The following ZNF675 variants were observed in gnomAD, a reference collection of about 807,000 sequenced individuals.
ZNF675 encodes the protein TRAF6 inhibitory zinc finger.
A neutral mutation model predicts 56.1 loss-of-function variants in ZNF675; 36 were observed. The observed-to-expected ratio is 0.64, with a 90% CI of 0.49 to 0.85. ZNF675 has a LOEUF of 0.85. Ranked by LOEUF, ZNF675 falls within the 40% of genes least tolerant of loss-of-function variation. The pLI is 0.00. For synonymous variants in ZNF675, 200 were observed against 218.9 expected (o/e 0.91, Z 0.76); for missense variants, 663 against 654.2 (o/e 1.01, Z -0.15).
chr19:23,684,903 CTG>C (rs1383234961), intron 1 of ZNF675, among the ~76,000 whole-genome samples: 1 of 152,142 alleles, frequency 6.6e-6, no homozygotes, highest in Non-Finnish European at 1.5e-5. Context: ...GAAATTATCT[CTG>C]TGTTTTTCCC....
chr19:23,665,671 GT>G (rs2144932896), intron 1 of ZNF675, among the ~76,000 whole-genome samples: 14 of 152,168 alleles, frequency 9.2e-5, no homozygotes, highest in Admixed American at 7.2e-4. Flanking sequence ...AATTTTTTGT[GT>G]ATTTTAAGTA....
chr19:23,659,397 T>C, intron 3 of ZNF675, among the ~76,000 whole-genome samples: 1 of 152,134 alleles, frequency 6.6e-6, no homozygotes, highest in Non-Finnish European at 1.5e-5. Context: ...TTGTCAGCCA[T>C]CCCTGACAAA....
chr19:23,671,643 A>T (rs1968228004), intron 1 of ZNF675, among the ~76,000 whole-genome samples: 1 of 151,834 alleles, frequency 6.6e-6, no homozygotes, highest in Non-Finnish European at 1.5e-5. Flanking sequence ...GGGGCCTGGG[A>T]TCTTCCTCAC....
chr19:23,660,646 G>A (rs1968063613), intron 3 of ZNF675, among the ~76,000 whole-genome samples: 1 of 152,046 alleles, frequency 6.6e-6, no homozygotes, highest in South Asian at 2.1e-4. Context: ...AACCAAGGAG[G>A]TACAAAATCT....
intron 3 of ZNF675, among the ~76,000 whole-genome samples, chr19:23,660,287 G>T (rs888917224): frequency 4.6e-5 from 7 of 152,130 alleles, no homozygotes; most frequent in African/African-American, 1.7e-4. Context: ...AAAAACTTGA[G>T]GTGTTTTCTC....
intron 3 of ZNF675, among the ~76,000 whole-genome samples, chr19:23,660,476 C>T (rs531781883): frequency 3.3e-4 from 50 of 152,150 alleles, no homozygotes; most frequent in African/African-American, 1.2e-3. Context: ...TATATATAAA[C>T]ATAAACAGTA....
chr19:23,658,874 G>T (rs1968031205), intron 3 of ZNF675, among the ~76,000 whole-genome samples: 1 of 117,786 alleles, frequency 8.5e-6, no homozygotes. Flanking sequence ...TAGATCTATA[G>T]ATATCTATAG....
chr19:23,659,330 G>A (rs987401290), intron 3 of ZNF675, among the ~76,000 whole-genome samples: 50 of 152,168 alleles, frequency 3.3e-4, no homozygotes, highest in African/African-American at 1.2e-3. Context: ...AGTGAAATTG[G>A]TAAGATGGGA....
Position 23,663,123 on chromosome 19 carries a change from G to A in ZNF675, c.39C>T (p.Phe13=). 6.2e-7 allele frequency: 1 copy of A among 1,610,316 alleles called. No individual in the cohort carries two copies. Among genetic ancestry groups the A allele is most frequent in the East Asian group, 2.2e-5 (1 of 44,666 alleles). Residue 13 remains phenylalanine (F), a synonymous_variant, in exon 2 of 4, where the codon TTC becomes TTT. Transcript: ENST00000359788. ...CCAGGCATTGCCATTCTTCCAGAGAGAATTCTATGGCCACATCCCTAAATG... is the reference window on the plus strand; with the variant it reads ...CCAGGCATTGCCATTCTTCCAGAGAAAATTCTATGGCCACATCCCTAAATG... ...LLTFRDVAIE[F]SLEEWQCLDT...
At chr19:23,680,293 A>T (rs370284098) in intron 1 of ZNF675, among the ~76,000 whole-genome samples, 3 of 151,524 alleles carry the variant, frequency 2.0e-5, no homozygotes, top group East Asian at 3.9e-4. Flanking sequence ...ACAAAGCCAG[A>T]CTCCGTCTCA....
intron 1 of ZNF675, among the ~76,000 whole-genome samples, chr19:23,686,757 A>C (rs1253058145): frequency 1.3e-5 from 2 of 152,168 alleles, no homozygotes; most frequent in Non-Finnish European, 2.9e-5. Context: ...GCACAATCTG[A>C]GAGAAATGCG....
At chr19:23,671,462 G>C (rs1405343796) in intron 1 of ZNF675, among the ~76,000 whole-genome samples, 2 of 152,144 alleles carry the variant, frequency 1.3e-5, no homozygotes, top group South Asian at 2.1e-4. Flanking sequence ...TGCTTCAAAT[G>C]CAAGAAAAGT....
intron 3 of ZNF675, among the ~76,000 whole-genome samples, chr19:23,659,822 A>G (rs1195228766): frequency 6.6e-6 from 1 of 152,124 alleles, no homozygotes; most frequent in Non-Finnish European, 1.5e-5. Flanking sequence ...ACCCATTTAC[A>G]GCCATGTGGA....
chr19:23,679,756 A>T (rs7255473), intron 1 of ZNF675, among the ~76,000 whole-genome samples: 2 of 151,208 alleles, frequency 1.3e-5, no homozygotes, highest in East Asian at 1.9e-4. Context: ...TTTGGGATGC[A>T]GAGGCAGGTG....
At chr19:23,664,997 G>A (rs1269910914) in intron 1 of ZNF675, among the ~76,000 whole-genome samples, 1 of 151,944 alleles carries the variant, frequency 6.6e-6, no homozygotes, top group Non-Finnish European at 1.5e-5. Context: ...AGAATAAACA[G>A]ACCTGTGGAT....
At chr19:23,669,923 T>C (rs1906927692) in intron 1 of ZNF675, among the ~76,000 whole-genome samples, 1 of 151,754 alleles carries the variant, frequency 6.6e-6, no homozygotes, top group Non-Finnish European at 1.5e-5. Context: ...CATTCTAAAG[T>C]TGTGCTGGCA....
intron 1 of ZNF675, among the ~76,000 whole-genome samples, chr19:23,663,960 A>AT (rs1311450602): frequency 6.6e-6 from 1 of 152,214 alleles, no homozygotes; most frequent in Non-Finnish European, 1.5e-5. Flanking sequence ...TGCAGATTAT[A>AT]AAATAATCGT....
At chr19:23,667,469 G>A (rs956887073) in intron 1 of ZNF675, among the ~76,000 whole-genome samples, 16 of 152,232 alleles carry the variant, frequency 1.1e-4, no homozygotes, top group East Asian at 1.9e-4. Flanking sequence ...TTGACAGGGC[G>A]CTGATTGGTG....
Position 23,676,942 on chromosome 19 carries a change from C to T in ZNF675, c.3+10089G>A, listed in dbSNP as rs190294582. On this transcript the variant is annotated intron_variant, in intron 1 of 3. Transcript: ENST00000359788. ...ACAAAAAATTAGCCACGCGTGGTGG[C>T]GGGCGCCTGTAGTCCCAGCTACTTG... is the stretch of plus-strand genomic sequence containing the variant. Among the ~76,000 whole-genome samples the T allele has an allele frequency of 5.3e-5, 8 of 150,858 alleles. No homozygotes were observed. In the East Asian group the frequency reaches 7.8e-4, roughly 15 times the overall value.
Sources: allele counts gnomAD v4.1 joint callset (sites outside exome capture counted in the v4.1 genomes callset), GRCh38; gene constraint gnomAD v4.1.1; transcripts MANE v1.5; gene names NCBI Gene and HGNC (gene_info 2026-07-23, HGNC 2026-07-21).